Variants in KDM4B observed in about 807,000 individuals in gnomAD.
KDM4B encodes the protein lysine-specific demethylase 4B.
In KDM4B, 32 loss-of-function variants were observed where a neutral mutation model predicts 125.2. The observed-to-expected ratio is 0.26, with a 90% CI of 0.19 to 0.34. The LOEUF (loss-of-function observed/expected upper bound fraction) is 0.34, where lower values mean the gene tolerates loss of function less well. Ranked by LOEUF, KDM4B falls within the 10% of genes least tolerant of loss-of-function variation. KDM4B has a pLI of 1.00. For missense variants in KDM4B, 1,190 were observed against 1,577.7 expected (o/e 0.75, Z 4.16); for synonymous variants, 721 against 677.9 (o/e 1.06, Z -0.99).
At position 5,137,348 on chromosome 19, in the gene KDM4B, T is replaced by A. The variant is rs1314696633; in HGVS notation, c.2385+10T>A. 1.3e-6 allele frequency: 2 copies of A among 1,556,618 alleles called. No individual in the cohort carries two copies. The highest frequency in any genetic ancestry group is 2.7e-5 in the African/African-American group (2 of 73,666). On this transcript the variant is annotated intron_variant, in intron 16 of 22. Coordinates refer to ENST00000159111, the MANE Select transcript of KDM4B (RefSeq NM_015015.3). ...CCACGCCTGGACTGCGGTAACTCGC[T>A]CCCCGCAGCGGGGGTGGTGCTCTGA...
intron 2 of KDM4B, among the ~76,000 whole-genome samples, chr19:5,021,225 C>T (rs1261626690): frequency 6.6e-6 from 1 of 151,970 alleles, no homozygotes; most frequent in Non-Finnish European, 1.5e-5. Context: ...GGTGGGGCCA[C>T]TCTGACATCA....
In KDM4B at chr19:5,027,209, A is replaced by G. The variant is rs555783916; in HGVS notation, c.-25-5657A>G. Reference sequence around the variant, plus strand: ...GTACGGTTGCCCTGCGTCTGTTTCCACATCTGTGTATTTGTGCCAGGGCTG... The same window carrying G: ...GTACGGTTGCCCTGCGTCTGTTTCCGCATCTGTGTATTTGTGCCAGGGCTG... On this transcript the variant is annotated intron_variant, in intron 2 of 22. Transcript: ENST00000159111. Among the ~76,000 whole-genome samples the G allele has an allele frequency of 3.3e-5, 5 of 152,356 alleles. No individual in the cohort carries two copies. In the East Asian group the frequency reaches 9.6e-4, roughly 29 times the overall value.
At chr19:5,033,124 C>T (rs1247319909) in intron 3 of KDM4B, 93 bp downstream of exon 3, 11 of 1,450,800 alleles carry the variant, frequency 7.6e-6, no homozygotes, top group Admixed American at 2.0e-5. Flanking sequence ...GCCCCACAGG[C>T]GTGGCCTGTG....
intron 1 of KDM4B, 121 bp downstream of exon 1, chr19:4,969,351 C>T (rs979098830): frequency 5.2e-4 from 76 of 146,142 alleles, no homozygotes; most frequent in African/African-American, 1.7e-3. Context: ...GCCTCGGGCG[C>T]GGCCTGCTCG....
intron 1 of KDM4B, among the ~76,000 whole-genome samples, chr19:5,014,769 G>A (rs946322166): frequency 6.6e-6 from 1 of 152,034 alleles, no homozygotes; most frequent in African/African-American, 2.4e-5. Context: ...GCCGAGGTGG[G>A]TGGATTACAA....
At chr19:5,026,081 A>G (rs1568236765) in intron 2 of KDM4B, among the ~76,000 whole-genome samples, 1 of 150,790 alleles carries the variant, frequency 6.6e-6, no homozygotes, top group Non-Finnish European at 1.5e-5. Context: ...TGGGAGTTTC[A>G]CCATGTTGGC....
Position 5,071,047 on chromosome 19 carries a change from C to A in KDM4B, c.664C>A (p.Arg222=), listed in dbSNP as rs151146933. 2.2e-4 allele frequency: 362 copies of A among 1,613,152 alleles called. No individual in the cohort carries two copies. Among genetic ancestry groups the A allele is most frequent in the Non-Finnish European group, 3.0e-4 (353 of 1,179,930 alleles). Residue 222 remains arginine (R), a synonymous_variant, in exon 7 of 23, where the codon CGG becomes AGG. Transcript: ENST00000159111. Reference sequence around the variant, plus strand: ...ACCAGAGCACGGCAAGCGCCTGGAGCGGCTGGCCATCGGTAGGTGCCTGCC... The same window carrying A: ...ACCAGAGCACGGCAAGCGCCTGGAGAGGCTGGCCATCGGTAGGTGCCTGCC... ...IPPEHGKRLE[R]LAIGFFPGSS...
chr19:5,122,378 T>G (rs943172177), intron 11 of KDM4B, among the ~76,000 whole-genome samples: 2 of 152,142 alleles, frequency 1.3e-5, no homozygotes, highest in African/African-American at 4.8e-5. Flanking sequence ...CACCTGAATA[T>G]TCCTTCTGCC....
intron 10 of KDM4B, chr19:5,113,901 G>A: frequency 8.3e-7 from 1 of 1,201,754 alleles, no homozygotes; most frequent in Non-Finnish European, 1.1e-6. Context: ...CCCATGGGGT[G>A]CGGATGGTTC....
intron 2 of KDM4B, among the ~76,000 whole-genome samples, chr19:5,022,695 G>A (rs1342063157): frequency 6.6e-6 from 1 of 152,120 alleles, no homozygotes; most frequent in African/African-American, 2.4e-5. Flanking sequence ...GTCTGTTGGT[G>A]TTGCAGGGGA....
intron 14 of KDM4B, 46 bp from the exon 15 acceptor site, chr19:5,135,293 G>A: frequency 7.1e-7 from 1 of 1,399,212 alleles, no homozygotes; most frequent in Non-Finnish European, 1.0e-6. Flanking sequence ...CCGCCCGCCT[G>A]CCCCACACAT....
intron 2 of KDM4B, among the ~76,000 whole-genome samples, chr19:5,026,868 C>T (rs188923646): frequency 6.6e-6 from 1 of 152,232 alleles, no homozygotes; most frequent in African/African-American, 2.4e-5. Context: ...CCCATAGGAG[C>T]TGACTGCCGC....
chr19:5,055,132 G>A (rs888465218), intron 6 of KDM4B, among the ~76,000 whole-genome samples: 5 of 152,206 alleles, frequency 3.3e-5, no homozygotes, highest in African/African-American at 9.7e-5. Context: ...AAGCAATTGC[G>A]GCCCGATTGT....
chr19:5,008,700 C>T (rs1326528894), intron 1 of KDM4B, among the ~76,000 whole-genome samples: 2 of 150,798 alleles, frequency 1.3e-5, no homozygotes, highest in Non-Finnish European at 2.9e-5. Context: ...AAGCGATTCT[C>T]CTGCTTCAGT....
intron 3 of KDM4B, among the ~76,000 whole-genome samples, chr19:5,036,325 G>A (rs968776366): frequency 2.0e-5 from 3 of 152,276 alleles, no homozygotes; most frequent in Non-Finnish European, 2.9e-5. Context: ...GATGGAGCTC[G>A]GTGGGGGCGG....
chr19:5,015,712 G>T (rs2035871500), intron 1 of KDM4B, among the ~76,000 whole-genome samples: 1 of 152,160 alleles, frequency 6.6e-6, no homozygotes, highest in African/African-American at 2.4e-5. Context: ...AAAAAGTCTT[G>T]GTGTCACATC....
intron 22 of KDM4B, 51 bp from the exon 23 acceptor site, chr19:5,151,284 C>G: frequency 7.2e-7 from 1 of 1,388,204 alleles, no homozygotes; most frequent in South Asian, 1.6e-5. Flanking sequence ...TGGCTGGGGC[C>G]GCACAGAGTG....
At chr19:5,044,756 C>A (rs999607529) in intron 5 of KDM4B, among the ~76,000 whole-genome samples, 1 of 152,072 alleles carries the variant, frequency 6.6e-6, no homozygotes, top group African/African-American at 2.4e-5. Context: ...TCCTCCCTCT[C>A]CCCCATCCCT....
intron 15 of KDM4B, 99 bp from the exon 16 acceptor site, chr19:5,137,163 A>T: frequency 2.6e-6 from 2 of 780,238 alleles, no homozygotes; most frequent in Non-Finnish European, 4.4e-6. Flanking sequence ...ACATACGGAC[A>T]CTGGCCCCCA....
Sources: gnomAD v4.1 joint callset for allele counts (sites outside exome capture counted in the v4.1 genomes callset) on GRCh38, gnomAD v4.1.1 for gene constraint, MANE v1.5 for transcripts, NCBI Gene and HGNC (gene_info 2026-07-23, HGNC 2026-07-21) for gene names.